Variants in ZNF804B observed in about 807,000 individuals in gnomAD.
ZNF804B encodes the protein zinc finger 804B.
A neutral mutation model predicts 101.4 loss-of-function variants in ZNF804B; 80 were observed. The observed-to-expected ratio is 0.79, with a 90% CI of 0.66 to 0.95. The LOEUF (loss-of-function observed/expected upper bound fraction) is 0.95, where lower values mean the gene tolerates loss of function less well. Ranked by LOEUF, ZNF804B falls within the 40% of genes least tolerant of loss-of-function variation. The pLI is 0.00. For synonymous variants in ZNF804B, 622 were observed against 558.8 expected (o/e 1.11, Z -1.59); for missense variants, 1,673 against 1,561.9 (o/e 1.07, Z -1.20).
chr7:89,306,806 G>A (rs929740390), intron 2 of ZNF804B, among the ~76,000 whole-genome samples: 4 of 151,880 alleles, frequency 2.6e-5, no homozygotes, highest in East Asian at 3.9e-4. Flanking sequence ...CTTCAGTAGC[G>A]GTTTAGAACA....
chr7:88,949,077 T>C (rs1793180450), intron 1 of ZNF804B, among the ~76,000 whole-genome samples: 1 of 151,896 alleles, frequency 6.6e-6, no homozygotes, highest in Admixed American at 6.6e-5. Flanking sequence ...TTTTGATTTT[T>C]TTTGGATTGT....
chr7:89,002,646 A>C (rs1788306682), intron 1 of ZNF804B, among the ~76,000 whole-genome samples: 1 of 151,894 alleles, frequency 6.6e-6, no homozygotes, highest in African/African-American at 2.4e-5. Flanking sequence ...TTTACCTCTA[A>C]TTGACAATTT....
intron 1 of ZNF804B, among the ~76,000 whole-genome samples, chr7:88,876,211 T>A (rs2115894017): frequency 6.6e-6 from 1 of 152,328 alleles, no homozygotes; most frequent in East Asian, 1.9e-4. Flanking sequence ...CATAGCAACC[T>A]CTGGGACTTG....
At chr7:89,066,335 T>C (rs1346534693) in intron 1 of ZNF804B, among the ~76,000 whole-genome samples, 6 of 152,110 alleles carry the variant, frequency 3.9e-5, no homozygotes, top group Non-Finnish European at 8.8e-5. Flanking sequence ...CAGGGCACAA[T>C]GAAGCCTTGA....
chr7:89,042,818 T>A (rs2116251366), intron 1 of ZNF804B, among the ~76,000 whole-genome samples: 1 of 152,290 alleles, frequency 6.6e-6, no homozygotes, highest in East Asian at 1.9e-4. Context: ...TAGGCAAAAA[T>A]AGTTCAAAAC....
At chr7:89,294,229 A>G (rs1483541583) in intron 2 of ZNF804B, among the ~76,000 whole-genome samples, 2 of 152,090 alleles carry the variant, frequency 1.3e-5, no homozygotes, top group Admixed American at 6.5e-5. Flanking sequence ...CATTTTAGGT[A>G]AAAACCATAA....
chr7:88,930,239 A>T (rs933211923), intron 1 of ZNF804B, among the ~76,000 whole-genome samples: 1 of 151,938 alleles, frequency 6.6e-6, no homozygotes, highest in African/African-American at 2.4e-5. Context: ...ACTCAGCAGA[A>T]AGAGAAATTT....
chr7:88,767,714 A>G (rs1790005609), intron 1 of ZNF804B, among the ~76,000 whole-genome samples: 2 of 152,238 alleles, frequency 1.3e-5, no homozygotes, highest in Admixed American at 1.3e-4. Flanking sequence ...TTTTAAGTGT[A>G]GGTGCATGAT....
intron 1 of ZNF804B, among the ~76,000 whole-genome samples, chr7:88,763,162 A>G (rs560421585): frequency 2.0e-5 from 3 of 152,294 alleles, no homozygotes; most frequent in Non-Finnish European, 2.9e-5. Context: ...AGTTGTGTAC[A>G]TTTATGTTCA....
At chr7:89,289,268 T>C (rs1464757524) in intron 2 of ZNF804B, among the ~76,000 whole-genome samples, 1 of 151,336 alleles carries the variant, frequency 6.6e-6, no homozygotes, top group Non-Finnish European at 1.5e-5. Flanking sequence ...GGAGGAGGAG[T>C]GCAGCAAGAT....
At chr7:88,902,297 G>A (rs1290843733) in intron 1 of ZNF804B, among the ~76,000 whole-genome samples, 1 of 151,918 alleles carries the variant, frequency 6.6e-6, no homozygotes, top group South Asian at 2.1e-4. Context: ...ATGCATATCT[G>A]TTTTTCCAGC....
intron 2 of ZNF804B, among the ~76,000 whole-genome samples, chr7:89,311,432 A>G (rs909876713): frequency 3.9e-5 from 6 of 151,996 alleles, no homozygotes; most frequent in African/African-American, 1.2e-4. Context: ...TTTTTCTCAC[A>G]TTGAATTTAT....
At chr7:89,015,658 A>T (rs1360237732) in intron 1 of ZNF804B, among the ~76,000 whole-genome samples, 1 of 152,136 alleles carries the variant, frequency 6.6e-6, no homozygotes, top group Non-Finnish European at 1.5e-5. Flanking sequence ...CCTACAAAGG[A>T]CATGAACTCA....
At chr7:89,200,839 G>C (rs1414574232) in intron 1 of ZNF804B, among the ~76,000 whole-genome samples, 1 of 151,864 alleles carries the variant, frequency 6.6e-6, no homozygotes, top group African/African-American at 2.4e-5. Flanking sequence ...GGGAAATCTG[G>C]ATTCTTTTGC....
intron 1 of ZNF804B, among the ~76,000 whole-genome samples, chr7:88,811,892 ATAGGTGC>A (rs1790794927): frequency 6.6e-6 from 1 of 152,154 alleles, no homozygotes; most frequent in Admixed American, 6.5e-5. Flanking sequence ...TGATGAGTTG[ATAGGTGC>A]AGCAAACCAC....
intron 1 of ZNF804B, among the ~76,000 whole-genome samples, chr7:88,868,954 A>G (rs1341878873): frequency 6.6e-6 from 1 of 152,232 alleles, no homozygotes; most frequent in African/African-American, 2.4e-5. Context: ...GTGGAGTGAG[A>G]AGAATCACCT....
At chr7:88,995,299 A>G (rs1336419702) in intron 1 of ZNF804B, among the ~76,000 whole-genome samples, 1 of 152,076 alleles carries the variant, frequency 6.6e-6, no homozygotes, top group African/African-American at 2.4e-5. Context: ...GTAAGTAGCT[A>G]TGAAACTTAA....
At chr7:88,839,879 T>G (rs984304514) in intron 1 of ZNF804B, among the ~76,000 whole-genome samples, 1 of 152,142 alleles carries the variant, frequency 6.6e-6, no homozygotes, top group Non-Finnish European at 1.5e-5. Context: ...GCACGTGGCA[T>G]ATAATAAGCA....
intron 1 of ZNF804B, among the ~76,000 whole-genome samples, chr7:89,052,290 A>G (rs1047574768): frequency 1.3e-5 from 2 of 152,032 alleles, no homozygotes; most frequent in Non-Finnish European, 2.9e-5. Flanking sequence ...GGTGTGTGCC[A>G]CCATTCCCAG....
Sources: gnomAD v4.1 joint callset for allele counts (sites outside exome capture counted in the v4.1 genomes callset) on GRCh38, gnomAD v4.1.1 for gene constraint, MANE v1.5 for transcripts, NCBI Gene and HGNC (gene_info 2026-07-23, HGNC 2026-07-21) for gene names.